NBAS: variants seen among roughly 807,000 people sequenced by gnomAD.
NBAS encodes the protein NBAS subunit of NRZ tethering complex.
Under a neutral mutation model 302.5 loss-of-function variants are expected in NBAS, and 219 were observed. That is an observed-to-expected ratio of 0.72 (90% CI 0.65 to 0.81). The LOEUF (loss-of-function observed/expected upper bound fraction) is 0.81. Ranked by LOEUF, NBAS falls within the 30% of genes least tolerant of loss-of-function variation. The pLI, the probability that NBAS is intolerant of heterozygous loss-of-function variation, is 0.00. For synonymous variants in NBAS, 1,118 were observed against 1,021.6 expected, an observed-to-expected ratio of 1.09 and a Z score of -1.80; for missense variants, 2,932 against 2,841.6, an observed-to-expected ratio of 1.03 and a Z score of -0.72.
the NBAS span, among the ~76,000 whole-genome samples, chr2:14,902,255 C>T: frequency 6.6e-6 from 1 of 152,146 alleles, no homozygotes; most frequent in Non-Finnish European, 1.5e-5. Flanking sequence ...CGTCAGCCTC[C>T]CAAGTAGCTG....
the NBAS span, among the ~76,000 whole-genome samples, chr2:14,942,577 C>T: frequency 6.6e-6 from 1 of 152,180 alleles, no homozygotes; most frequent in Non-Finnish European, 1.5e-5. Context: ...GCCAATTCAA[C>T]TTCTTTTCAT....
chr2:15,307,575 G>T (rs1671084722), intron 40 of NBAS, among the ~76,000 whole-genome samples: 1 of 152,114 alleles, frequency 6.6e-6, no homozygotes, highest in South Asian at 2.1e-4. Context: ...ATTTCACAAT[G>T]CCAATAATTA....
the NBAS span, among the ~76,000 whole-genome samples, chr2:15,009,398 A>AT: frequency 2.0e-5 from 3 of 151,814 alleles, no homozygotes; most frequent in Admixed American, 6.6e-5. Flanking sequence ...TTAAAGGCTG[A>AT]TAAAAAAAAA....
the NBAS span, among the ~76,000 whole-genome samples, chr2:14,916,812 CAG>C: frequency 1.1e-4 from 17 of 152,240 alleles, no homozygotes; most frequent in South Asian, 1.9e-3. Context: ...ATCTTCTTTC[CAG>C]TTGTCCCAGC....
At chr2:15,240,621 A>G (rs1341256733) in intron 44 of NBAS, among the ~76,000 whole-genome samples, 2 of 151,608 alleles carry the variant, frequency 1.3e-5, no homozygotes, top group Non-Finnish European at 2.9e-5. Flanking sequence ...CGTCTCAAAA[A>G]ACAAACAAAA....
the NBAS span, among the ~76,000 whole-genome samples, chr2:15,019,884 C>T: frequency 6.6e-6 from 1 of 152,218 alleles, no homozygotes; most frequent in South Asian, 2.1e-4. Context: ...TCCAAGACTT[C>T]CAGCCTCCAG....
intron 12 of NBAS, among the ~76,000 whole-genome samples, chr2:15,482,835 T>C (rs978458759): frequency 1.3e-5 from 2 of 152,204 alleles, no homozygotes; most frequent in African/African-American, 2.4e-5. Flanking sequence ...AAATTTGTTA[T>C]GCTTTTCTCT....
chr2:15,417,287 GA>G (rs1050557471), intron 24 of NBAS, among the ~76,000 whole-genome samples: 3 of 150,802 alleles, frequency 2.0e-5, no homozygotes, highest in Non-Finnish European at 4.4e-5. Context: ...AACTAGAACG[GA>G]AAAAAAAAGT....
chr2:14,993,784 G>T, the NBAS span, among the ~76,000 whole-genome samples: 26 of 152,084 alleles, frequency 1.7e-4, no homozygotes, highest in Non-Finnish European at 2.1e-4. Flanking sequence ...GTATTCCCAA[G>T]AGACTTTTAA....
Position 15,554,165 on chromosome 2 carries a change from T to A in NBAS, c.210-27A>T, listed in dbSNP as rs760096736. 3 of 1,582,262 alleles carry A rather than the reference T, an allele frequency of 1.9e-6. No homozygotes were observed. In the East Asian group the frequency reaches 6.8e-5, roughly 36 times the overall value. On this transcript the variant is annotated intron_variant, in intron 3 of 51. Coordinates refer to ENST00000281513, the MANE Select transcript of NBAS (RefSeq NM_015909.4). ...TGAAATCACAACACATTAGTTAGCT[T>A]AAAATCTAATCATGAAAACCACATA...
At chr2:14,947,834 G>C in the NBAS span, among the ~76,000 whole-genome samples, 1 of 151,766 alleles carries the variant, frequency 6.6e-6, no homozygotes, top group Non-Finnish European at 1.5e-5. Context: ...ATAAAGGGAT[G>C]TTTAATTTTA....
the NBAS span, among the ~76,000 whole-genome samples, chr2:14,953,527 C>T: frequency 6.6e-6 from 1 of 152,188 alleles, no homozygotes. Context: ...CGAGGATCCC[C>T]TAGCCCCATG....
intron 44 of NBAS, among the ~76,000 whole-genome samples, chr2:15,262,693 C>G (rs1668903971): frequency 1.3e-5 from 2 of 152,148 alleles, no homozygotes; most frequent in South Asian, 4.1e-4. Context: ...AATAAAGTTT[C>G]CCAGATTTTC....
chr2:14,839,274 G>T, the NBAS span, among the ~76,000 whole-genome samples: 1 of 151,788 alleles, frequency 6.6e-6, no homozygotes, highest in Non-Finnish European at 1.5e-5. Context: ...AATCTATCTG[G>T]CACCAAGCAC....
At chr2:14,899,178 C>A in the NBAS span, among the ~76,000 whole-genome samples, 4 of 152,142 alleles carry the variant, frequency 2.6e-5, no homozygotes, top group African/African-American at 9.7e-5. Context: ...GGACTCAAAG[C>A]CCAAGAACAT....
downstream of NBAS, among the ~76,000 whole-genome samples, chr2:15,165,963 C>G (rs892254021): frequency 6.6e-6 from 1 of 151,632 alleles, no homozygotes. Context: ...TAGATGGATG[C>G]CTCCAACGGC....
chr2:15,473,937 G>T, intron 15 of NBAS, 130 bp downstream of exon 15: 1 of 1,110,904 alleles, frequency 9.0e-7, no homozygotes, highest in Non-Finnish European at 1.3e-6. Flanking sequence ...TTATAGAACT[G>T]ATATTTTTAA....
the NBAS span, among the ~76,000 whole-genome samples, chr2:14,996,959 A>G: frequency 6.6e-6 from 1 of 152,226 alleles, no homozygotes; most frequent in Non-Finnish European, 1.5e-5. Flanking sequence ...AACAATACAG[A>G]TTCTAAAACA....
At chr2:14,987,472 A>AAT in the NBAS span, among the ~76,000 whole-genome samples, 27,492 of 148,996 alleles carry the variant, frequency 0.18, 3,117 homozygotes, top group Non-Finnish European at 0.27. Context: ...TCTTATGACA[A>AAT]ATATATATAT....
Sources: allele counts gnomAD v4.1 joint callset (sites outside exome capture counted in the v4.1 genomes callset), GRCh38; gene constraint gnomAD v4.1.1; transcripts MANE v1.5; gene names NCBI Gene and HGNC (gene_info 2026-07-23, HGNC 2026-07-21).